The following MCM9 variants were observed in gnomAD, a reference collection of about 807,000 sequenced individuals.
The protein encoded by MCM9 is minichromosome maintenance 9 homologous recombination repair factor.
Under a neutral mutation model 72.8 loss-of-function variants are expected in MCM9, and 55 were observed. The ratio of observed to expected loss-of-function variants is 0.76; its 90% CI spans 0.61 to 0.95. The LOEUF is 0.95. Among genes scored for constraint, MCM9 ranks in the 40% least tolerant of loss-of-function variants. MCM9 has a pLI of 0.00. For missense variants in MCM9, 1,279 were observed against 1,377.0 expected (o/e 0.93, Z 1.13); for synonymous variants, 480 against 503.4 (o/e 0.95, Z 0.62).
At chr6:118,848,834 A>C (rs1213924828) in intron 9 of MCM9, among the ~76,000 whole-genome samples, 1 of 152,108 alleles carries the variant, frequency 6.6e-6, no homozygotes, top group Non-Finnish European at 1.5e-5. Flanking sequence ...AGACAGGAGA[A>C]CTGCTTGAAC....
chr6:118,835,101 G>T (rs1774865851), intron 9 of MCM9, among the ~76,000 whole-genome samples: 1 of 152,114 alleles, frequency 6.6e-6, no homozygotes, highest in Non-Finnish European at 1.5e-5. Flanking sequence ...TTTATTACAT[G>T]AGGAATAATT....
chr6:118,827,710 G>T (rs1774255126), intron 11 of MCM9, among the ~76,000 whole-genome samples: 1 of 152,046 alleles, frequency 6.6e-6, no homozygotes, highest in South Asian at 2.1e-4. Flanking sequence ...ATGGCACAAA[G>T]ATTCCTCTTT....
chr6:118,830,755 C>T (rs1311995641), intron 9 of MCM9, among the ~76,000 whole-genome samples: 1 of 152,138 alleles, frequency 6.6e-6, no homozygotes, highest in Non-Finnish European at 1.5e-5. Context: ...GTTCATTCAT[C>T]CTCTCTCTGA....
In MCM9 at chr6:118,826,964, T is replaced by C. The variant is rs1207795094; in HGVS notation, c.1733-100A>G. ...CACCATTTGTATTTTATGAATGAGCTATTAATAACAACATAATTTTACTAG... is the reference window on the plus strand; with the variant it reads ...CACCATTTGTATTTTATGAATGAGCCATTAATAACAACATAATTTTACTAG... On this transcript the variant is annotated intron_variant, in intron 11 of 13. Transcript: ENST00000619706. 33 of 881,714 alleles carry C rather than the reference T, an allele frequency of 3.7e-5. No individual in the cohort carries two copies. In the East Asian group the frequency reaches 7.7e-4, roughly 21 times the overall value. The allele number at this position is 881,714 out of a possible 1,614,324, so 54.6% of individuals were successfully genotyped here.
At chr6:118,933,748 G>C (rs567464786) in intron 1 of MCM9, among the ~76,000 whole-genome samples, 1 of 152,146 alleles carries the variant, frequency 6.6e-6, no homozygotes, top group Admixed American at 6.5e-5. Context: ...GGTGTGAAAC[G>C]TTTAAGAAGT....
At chr6:118,926,269 T>C (rs373045072) in intron 3 of MCM9, among the ~76,000 whole-genome samples, 2 of 152,350 alleles carry the variant, frequency 1.3e-5, no homozygotes, top group East Asian at 1.9e-4. Context: ...CCTAACCCAC[T>C]GAACATCATA....
chr6:118,923,029 C>CAAAAAAA (rs780562520), intron 4 of MCM9, among the ~76,000 whole-genome samples: 4 of 43,490 alleles, frequency 9.2e-5, no homozygotes, highest in African/African-American at 7.3e-5. Flanking sequence ...AACTCCATCT[C>CAAAAAAA]AAAAAAAAAA....
intron 9 of MCM9, among the ~76,000 whole-genome samples, chr6:118,832,801 C>A (rs888371488): frequency 6.6e-6 from 1 of 152,186 alleles, no homozygotes; most frequent in Non-Finnish European, 1.5e-5. Context: ...TGATCCTCAT[C>A]TTTACTTATG....
At position 118,884,906 on chromosome 6, in the gene MCM9, A is replaced by G. The variant is rs137877841; in HGVS notation, c.1150+26744T>C. On this transcript the variant is annotated intron_variant, in intron 8 of 13. Coordinates refer to ENST00000619706, the MANE Select transcript of MCM9 (RefSeq NM_017696.3). The stretch of plus-strand genomic sequence containing the variant: ...ATCAACAAAGAACCCTAAGATTAAA[A>G]CAATAGCCAGCTGGGCGCAGTGGCT... Among the ~76,000 whole-genome samples the G allele has an allele frequency of 3.5e-3, 536 of 152,306 alleles. 22 individuals are homozygous for G. The East Asian group carries it at 0.088, about 25-fold the overall frequency.
Position 118,827,918 on chromosome 6 carries a change from G to C in MCM9, c.1732+9C>G, listed in dbSNP as rs1259274691. 2 of 1,550,662 alleles carry C rather than the reference G, an allele frequency of 1.3e-6. No homozygotes were observed. Among genetic ancestry groups the C allele is most frequent in the African/African-American group, 1.4e-5 (1 of 73,166 alleles). On this transcript the variant is annotated intron_variant, in intron 11 of 13. Transcript: ENST00000619706. The stretch of plus-strand genomic sequence containing the variant: ...TCAATACAAGCATCATTCGCTGAAT[G>C]AAATAGACCTTCTGCTAATCGTATC...
chr6:118,850,084 A>G (rs1012522193), intron 9 of MCM9, among the ~76,000 whole-genome samples: 6 of 151,990 alleles, frequency 3.9e-5, no homozygotes, highest in African/African-American at 1.5e-4. Context: ...AGCAAATGTT[A>G]TAAGTGAATG....
chr6:118,893,880 A>T (rs1291619526), intron 8 of MCM9: 2 of 299,834 alleles, frequency 6.7e-6, no homozygotes, highest in Admixed American at 6.6e-5. Context: ...AAACACCCAC[A>T]CGAAGCCAAC....
chr6:118,817,729 G>A (rs557772343), intron 13 of MCM9, among the ~76,000 whole-genome samples: 31 of 152,268 alleles, frequency 2.0e-4, no homozygotes, highest in Admixed American at 3.9e-4. Flanking sequence ...CTTCCACAAT[G>A]GCTGAACTAA....
intron 8 of MCM9, among the ~76,000 whole-genome samples, chr6:118,906,754 TTGGTAAC>T (rs1305318540): frequency 6.6e-6 from 1 of 152,202 alleles, no homozygotes; most frequent in Non-Finnish European, 1.5e-5. Context: ...CTATAACAGT[TTGGTAAC>T]TGGTGATTTT....
At chr6:118,875,612 G>A (rs1245431142) in intron 8 of MCM9, among the ~76,000 whole-genome samples, 2 of 150,772 alleles carry the variant, frequency 1.3e-5, no homozygotes, top group Non-Finnish European at 2.9e-5. Context: ...CTCCAGCCTG[G>A]GCAACAGAGT....
chr6:118,835,439 G>C (rs1028793460), intron 9 of MCM9, among the ~76,000 whole-genome samples: 18 of 152,278 alleles, frequency 1.2e-4, no homozygotes, highest in African/African-American at 4.3e-4. Context: ...ATTACTTTGA[G>C]CAGTATGGCC....
intron 13 of MCM9, among the ~76,000 whole-genome samples, chr6:118,816,934 C>G (rs1039775018): frequency 6.6e-6 from 1 of 152,166 alleles, no homozygotes; most frequent in African/African-American, 2.4e-5. Context: ...GACAATCTTT[C>G]CTGCAAAGCC....
At chr6:118,875,296 T>C (rs1777864030) in intron 8 of MCM9, among the ~76,000 whole-genome samples, 1 of 152,248 alleles carries the variant, frequency 6.6e-6, no homozygotes, top group Admixed American at 6.5e-5. Flanking sequence ...TGTCAAGATG[T>C]CAGTTCTTCT....
chr6:118,844,266 T>C (rs1462764299), intron 9 of MCM9, among the ~76,000 whole-genome samples: 3 of 151,766 alleles, frequency 2.0e-5, no homozygotes, highest in Admixed American at 6.6e-5. Context: ...GAACTTAAGA[T>C]TCTGAAAACT....
Sources: allele counts gnomAD v4.1 joint callset (sites outside exome capture counted in the v4.1 genomes callset), GRCh38; gene constraint gnomAD v4.1.1; transcripts MANE v1.5; gene names NCBI Gene and HGNC (gene_info 2026-07-23, HGNC 2026-07-21).